Variants in TRIM37 observed in about 807,000 individuals in gnomAD.
TRIM37 encodes the protein tripartite motif containing 37, also known as E3 ubiquitin-protein ligase TRIM37.
In TRIM37, 80 loss-of-function variants were observed where a neutral mutation model predicts 129.8. The observed-to-expected ratio is 0.62, with a 90% CI of 0.51 to 0.74. The LOEUF (loss-of-function observed/expected upper bound fraction) is 0.74. Ranked by LOEUF, TRIM37 falls within the 30% of genes least tolerant of loss-of-function variation. TRIM37 has a pLI of 0.00. For missense variants in TRIM37, 1,054 were observed against 1,176.5 expected (o/e 0.90, Z 1.52); for synonymous variants, 389 against 387.1 (o/e 1.00, Z -0.06).
At position 59,106,582 on chromosome 17, in the gene TRIM37, G is replaced by A. The variant is rs927201233; in HGVS notation, c.-121C>T. ...AAAAGCCCGGCGCCCACGTCAGGGG[G>A]CTCTGACAACCGCCCCACCTGCGCG... On this transcript the variant is annotated 5_prime_UTR_variant, in exon 1 of 24. Coordinates refer to ENST00000262294, the MANE Select transcript of TRIM37 (RefSeq NM_015294.6). 6.4e-6 allele frequency: 8 copies of A among 1,243,412 alleles called. No homozygotes were observed. Among genetic ancestry groups the A allele is most frequent in the Non-Finnish European group, 8.0e-6 (7 of 870,158 alleles). 77.0% of individuals were successfully genotyped at this position (1,243,412 alleles called of 1,614,324 possible). A position where few individuals can be genotyped will look rare whatever the true frequency, so the allele number is the denominator to read the frequency against.
At chr17:58,986,676 C>A (rs1438779314) in intron 24 of TRIM37, among the ~76,000 whole-genome samples, 2 of 151,552 alleles carry the variant, frequency 1.3e-5, no homozygotes, top group East Asian at 3.9e-4. Context: ...CCACGCCTGG[C>A]TTTTGTGTTT....
chr17:59,045,454 G>A (rs1309160596), intron 16 of TRIM37, among the ~76,000 whole-genome samples: 19 of 148,842 alleles, frequency 1.3e-4, no homozygotes, highest in Admixed American at 5.4e-4. Flanking sequence ...CCTGGCCAAC[G>A]CAGTGAAACC....
intron 2 of TRIM37, among the ~76,000 whole-genome samples, chr17:59,101,802 C>G (rs1271288401): frequency 6.8e-6 from 1 of 147,110 alleles, no homozygotes; most frequent in Non-Finnish European, 1.5e-5. Flanking sequence ...AGCCGGGCAT[C>G]ATGGAGTGCG....
Position 58,983,045 on chromosome 17 carries a change from C to G in TRIM37, c.2892-124G>C, listed in dbSNP as rs1038733451. Reference sequence around the variant, plus strand: ...GTTGTCTATTGGTAATGTTTTTGATCAGAATAAAGAGGGTAAAGGGAAAAA... The same window carrying G: ...GTTGTCTATTGGTAATGTTTTTGATGAGAATAAAGAGGGTAAAGGGAAAAA... On this transcript the variant is annotated intron_variant, in intron 24 of 24. Coordinates refer to the TRIM37 transcript ENST00000393066. The G allele has an allele frequency of 3.3e-6, 3 of 919,082 alleles. No homozygotes were observed. In the African/African-American group the frequency reaches 5.1e-5, roughly 16 times the overall value. 56.9% of individuals were successfully genotyped at this position (919,082 alleles called of 1,614,324 possible). A position where few individuals can be genotyped will look rare whatever the true frequency, so the allele number is the denominator to read the frequency against.
chr17:59,104,667 T>C (rs1176862979), intron 1 of TRIM37, among the ~76,000 whole-genome samples: 1 of 152,170 alleles, frequency 6.6e-6, no homozygotes, highest in Non-Finnish European at 1.5e-5. Flanking sequence ...GCAGTAATTA[T>C]AATGGCAAGA....
At chr17:58,972,258 C>T in the TRIM37 span, 1 of 1,613,948 alleles carries the variant, frequency 6.2e-7, no homozygotes, top group Non-Finnish European at 8.5e-7. Flanking sequence ...AATGAAGCCA[C>T]ACAAACCAGA....
intron 6 of TRIM37, 74 bp from the exon 7 acceptor site, chr17:59,079,951 C>T: frequency 6.7e-7 from 1 of 1,499,890 alleles, no homozygotes; most frequent in Non-Finnish European, 9.2e-7. Flanking sequence ...TATAATATTG[C>T]CAAGAATAGA....
intron 22 of TRIM37, among the ~76,000 whole-genome samples, chr17:59,009,105 A>G (rs923620578): frequency 6.6e-6 from 1 of 152,044 alleles, no homozygotes; most frequent in Non-Finnish European, 1.5e-5. Flanking sequence ...TTCAAATTCT[A>G]GCTCTTCCAA....
chr17:59,067,456 G>A (rs1487612123), intron 9 of TRIM37, among the ~76,000 whole-genome samples: 1 of 152,060 alleles, frequency 6.6e-6, no homozygotes, highest in Non-Finnish European at 1.5e-5. Flanking sequence ...CTTCAGACCA[G>A]TAACCTCATC....
At chr17:58,990,379 T>C (rs1304711827) in intron 24 of TRIM37, among the ~76,000 whole-genome samples, 1 of 151,354 alleles carries the variant, frequency 6.6e-6, no homozygotes, top group Non-Finnish European at 1.5e-5. Context: ...TAATCCCAGC[T>C]ACTAGGGAGG....
At chr17:59,100,131 T>A (rs2045324168) in intron 2 of TRIM37, among the ~76,000 whole-genome samples, 1 of 152,162 alleles carries the variant, frequency 6.6e-6, no homozygotes, top group African/African-American at 2.4e-5. Context: ...GTGTCTAGCA[T>A]TTCCCCCTTT....
Position 59,081,955 on chromosome 17 carries a change from A to AT in TRIM37, c.370-737_370-736insA, listed in dbSNP as rs1204088877. 6.7e-3 allele frequency among the ~76,000 whole-genome samples: 789 copies of AT among 117,516 alleles called. 9 individuals carry two copies. Among genetic ancestry groups the AT allele is most frequent in the African/African-American group, 0.017 (487 of 28,320 alleles). 77.1% of individuals were successfully genotyped at this position (117,516 alleles called of 152,430 possible). ...TAAAAACCAAAAAAAAAAAAAAATAAAAAAAAAAAAATAATAATAATAATA... is the reference window on the plus strand; with the variant it reads ...TAAAAACCAAAAAAAAAAAAAAATAATAAAAAAAAAAATAATAATAATAATA... On this transcript the variant is annotated intron_variant, in intron 5 of 23. Coordinates refer to ENST00000262294, the MANE Select transcript of TRIM37 (RefSeq NM_015294.6).
At chr17:58,996,702 G>A (rs1015678883), downstream of TRIM37, among the ~76,000 whole-genome samples, 7 of 151,226 alleles carry the variant, frequency 4.6e-5, no homozygotes, top group African/African-American at 1.7e-4. Flanking sequence ...CTGGGAAGCA[G>A]AGGCTGCAGT....
chr17:59,048,366 T>C (rs541394744), intron 15 of TRIM37, among the ~76,000 whole-genome samples: 1 of 152,294 alleles, frequency 6.6e-6, no homozygotes, highest in South Asian at 2.1e-4. Flanking sequence ...GGGTCCTTCA[T>C]TTTAACTTAA....
intron 23 of TRIM37, among the ~76,000 whole-genome samples, chr17:58,999,986 A>G (rs2033477228): frequency 6.6e-6 from 1 of 152,226 alleles, no homozygotes; most frequent in African/African-American, 2.4e-5. Flanking sequence ...AAAAGATACC[A>G]GAGCACCAGG....
At chr17:58,976,642 G>A in the TRIM37 span, among the ~76,000 whole-genome samples, 1 of 152,142 alleles carries the variant, frequency 6.6e-6, no homozygotes, top group Non-Finnish European at 1.5e-5. Context: ...AAGACAAAAG[G>A]ATGTTGCCAT....
chr17:59,044,932 C>T (rs536724176), intron 16 of TRIM37, among the ~76,000 whole-genome samples: 65 of 152,124 alleles, frequency 4.3e-4, no homozygotes, highest in African/African-American at 1.2e-3. Context: ...ACTATGGAGG[C>T]TGAGGCAGGT....
chr17:58,996,577 C>G (rs1054362907), downstream of TRIM37, among the ~76,000 whole-genome samples: 1 of 151,370 alleles, frequency 6.6e-6, no homozygotes, highest in Non-Finnish European at 1.5e-5. Flanking sequence ...ACTTTGAGCT[C>G]AGGAGTTGGA....
chr17:58,992,303 A>G (rs539271025), intron 24 of TRIM37, among the ~76,000 whole-genome samples: 1 of 130,074 alleles, frequency 7.7e-6, no homozygotes, highest in Admixed American at 8.2e-5. Flanking sequence ...ATATTTATAT[A>G]TATATAAATA....
Sources: gnomAD v4.1 joint callset for allele counts (sites outside exome capture counted in the v4.1 genomes callset) on GRCh38, gnomAD v4.1.1 for gene constraint, MANE v1.5 for transcripts, NCBI Gene and HGNC (gene_info 2026-07-23, HGNC 2026-07-21) for gene names.